SH3BGRL2: variants seen among roughly 807,000 people sequenced by gnomAD.
SH3BGRL2 encodes the protein SH3 domain binding glutamate rich protein like 2, also known as SH3 domain-binding glutamic acid-rich-like protein 2.
In SH3BGRL2, 21 loss-of-function variants were observed where a neutral mutation model predicts 14.8. The ratio of observed to expected loss-of-function variants is 1.42; its 90% CI spans 1.01 to 2.05. The LOEUF is 2.05. Ranked by LOEUF, SH3BGRL2 falls within the 30% of genes most tolerant of loss-of-function variation. The pLI is 0.00. For synonymous variants in SH3BGRL2, 50 were observed against 47.8 expected, an observed-to-expected ratio of 1.05 and a Z score of -0.19; for missense variants, 147 against 130.8, an observed-to-expected ratio of 1.12 and a Z score of -0.61.
chr6:79,546,603 T>C, the SH3BGRL2 span, among the ~76,000 whole-genome samples: 2 of 151,718 alleles, frequency 1.3e-5, no homozygotes, highest in Non-Finnish European at 2.9e-5. Flanking sequence ...GGGCTAAGAG[T>C]AGGAAGTACA....
the SH3BGRL2 span, among the ~76,000 whole-genome samples, chr6:79,576,683 C>T: frequency 6.6e-6 from 1 of 152,038 alleles, no homozygotes; most frequent in African/African-American, 2.4e-5. Context: ...ATTTAAAATG[C>T]ACACGTCGAT....
chr6:79,699,080 G>C (rs1227473740), intron 3 of SH3BGRL2, among the ~76,000 whole-genome samples: 1 of 151,768 alleles, frequency 6.6e-6, no homozygotes, highest in Non-Finnish European at 1.5e-5. Flanking sequence ...GTGCGCAGGG[G>C]TGGCAGTTGG....
At chr6:79,668,893 C>T (rs776069680) in intron 1 of SH3BGRL2, among the ~76,000 whole-genome samples, 5 of 152,114 alleles carry the variant, frequency 3.3e-5, no homozygotes, top group African/African-American at 4.8e-5. Context: ...TGAATTATTT[C>T]GGCTATGTAC....
At chr6:79,691,824 A>G (rs1770223592) in intron 2 of SH3BGRL2, among the ~76,000 whole-genome samples, 1 of 151,704 alleles carries the variant, frequency 6.6e-6, no homozygotes, top group Admixed American at 6.6e-5. Flanking sequence ...ATACGTGTGC[A>G]TGTGTCTTTA....
intron 2 of SH3BGRL2, among the ~76,000 whole-genome samples, chr6:79,678,663 CTTTTA>C (rs1157587963): frequency 6.6e-6 from 1 of 152,018 alleles, no homozygotes; most frequent in East Asian, 1.9e-4. Flanking sequence ...TTTTATATTT[CTTTTA>C]TTTTAGATAC....
At chr6:79,586,667 A>G in the SH3BGRL2 span, among the ~76,000 whole-genome samples, 1 of 152,154 alleles carries the variant, frequency 6.6e-6, no homozygotes, top group Non-Finnish European at 1.5e-5. Flanking sequence ...CTCTTTCCAC[A>G]TGAACAGCCT....
At chr6:79,610,004 G>A in the SH3BGRL2 span, among the ~76,000 whole-genome samples, 1 of 152,162 alleles carries the variant, frequency 6.6e-6, no homozygotes, top group Non-Finnish European at 1.5e-5. Context: ...TCTTCAACCT[G>A]TTATAGTTTT....
At chr6:79,597,357 G>T in the SH3BGRL2 span, among the ~76,000 whole-genome samples, 1 of 151,172 alleles carries the variant, frequency 6.6e-6, no homozygotes, top group African/African-American at 2.4e-5. Context: ...AAAGAGGAAG[G>T]ATGGAAGGAA....
the SH3BGRL2 span, among the ~76,000 whole-genome samples, chr6:79,555,364 T>C: frequency 6.6e-6 from 1 of 152,042 alleles, no homozygotes; most frequent in African/African-American, 2.4e-5. Context: ...GCAGGAAAAT[T>C]GCTTGAACCC....
the SH3BGRL2 span, among the ~76,000 whole-genome samples, chr6:79,543,260 AC>A: frequency 6.6e-6 from 1 of 152,176 alleles, no homozygotes; most frequent in African/African-American, 2.4e-5. Context: ...GAGATATTTC[AC>A]CTTTTTTTGT....
intron 1 of SH3BGRL2, among the ~76,000 whole-genome samples, chr6:79,669,301 G>A (rs773098842): frequency 1.3e-5 from 2 of 152,224 alleles, no homozygotes; most frequent in Non-Finnish European, 2.9e-5. Flanking sequence ...ACTTAAAGGT[G>A]AGCCCTCAAG....
intron 1 of SH3BGRL2, among the ~76,000 whole-genome samples, chr6:79,637,990 T>A (rs111326830): frequency 5.9e-5 from 9 of 152,242 alleles, no homozygotes; most frequent in African/African-American, 2.2e-4. Context: ...GAATTAGAAG[T>A]TTTTTTAACT....
At chr6:79,698,828 G>A (rs1770384700) in intron 3 of SH3BGRL2, among the ~76,000 whole-genome samples, 1 of 152,170 alleles carries the variant, frequency 6.6e-6, no homozygotes, top group East Asian at 1.9e-4. Flanking sequence ...AACTAATTCT[G>A]AGAAAGGGAG....
intron 1 of SH3BGRL2, among the ~76,000 whole-genome samples, chr6:79,648,606 C>G (rs1452799125): frequency 4.0e-5 from 6 of 151,854 alleles, no homozygotes; most frequent in Non-Finnish European, 7.4e-5. Flanking sequence ...TCAATGCAGT[C>G]AAGGTTCTTT....
At chr6:79,639,349 G>A (rs938482405) in intron 1 of SH3BGRL2, among the ~76,000 whole-genome samples, 2 of 152,278 alleles carry the variant, frequency 1.3e-5, no homozygotes, top group Middle Eastern at 3.4e-3. Flanking sequence ...TGCACTTTGG[G>A]AGGCTGAGTC....
At chr6:79,550,969 C>T in the SH3BGRL2 span, among the ~76,000 whole-genome samples, 9 of 152,136 alleles carry the variant, frequency 5.9e-5, no homozygotes, top group African/African-American at 1.9e-4. Flanking sequence ...CGAAGATTTT[C>T]TACAAAAGTC....
chr6:79,538,579 T>C, the SH3BGRL2 span, among the ~76,000 whole-genome samples: 1 of 152,248 alleles, frequency 6.6e-6, no homozygotes, highest in African/African-American at 2.4e-5. Context: ...CTTTAATCTG[T>C]CTCTGCTGAC....
At chr6:79,590,622 A>G in the SH3BGRL2 span, among the ~76,000 whole-genome samples, 3 of 151,538 alleles carry the variant, frequency 2.0e-5, no homozygotes, top group East Asian at 5.8e-4. Flanking sequence ...AACACTGAGT[A>G]TATACGGATA....
In SH3BGRL2 at chr6:79,661,882, A is replaced by G. The variant is rs545531006; in HGVS notation, c.46-11732A>G. On this transcript the variant is annotated intron_variant, in intron 1 of 3. Coordinates refer to ENST00000369838, the MANE Select transcript of SH3BGRL2 (RefSeq NM_031469.4). ...GTTGAATTGATCTCTTTGCCATTAT[A>G]TAATGGCCTTCTTTGTCTCTTTTGA... Among the ~76,000 whole-genome samples the G allele has an allele frequency of 2.7e-4, 41 of 152,300 alleles. No individual in the cohort carries two copies. In the South Asian group the frequency reaches 6.8e-3, roughly 25 times the overall value.
Sources: gnomAD v4.1 joint callset for allele counts (sites outside exome capture counted in the v4.1 genomes callset) on GRCh38, gnomAD v4.1.1 for gene constraint, MANE v1.5 for transcripts, NCBI Gene and HGNC (gene_info 2026-07-23, HGNC 2026-07-21) for gene names.